ABHD2: variants seen among roughly 807,000 people sequenced by gnomAD.
ABHD2 encodes abhydrolase domain containing 2, acylglycerol lipase, also known as monoacylglycerol lipase ABHD2.
Under a neutral mutation model 48.1 loss-of-function variants are expected in ABHD2, and 20 were observed. That is an observed-to-expected ratio of 0.42 (90% CI 0.29 to 0.60). The LOEUF (loss-of-function observed/expected upper bound fraction) is 0.60, where lower values mean the gene tolerates loss of function less well. ABHD2 is among the 20% of genes least tolerant of loss of function. ABHD2 has a pLI of 0.24. For synonymous variants in ABHD2, 209 were observed against 214.2 expected, an observed-to-expected ratio of 0.98 and a Z score of 0.21; for missense variants, 405 against 550.9, an observed-to-expected ratio of 0.74 and a Z score of 2.65.
chr15:89,171,582 G>A (rs1187761104), intron 5 of ABHD2, among the ~76,000 whole-genome samples: 3 of 152,188 alleles, frequency 2.0e-5, no homozygotes, highest in African/African-American at 4.8e-5. Context: ...GTTGAACGGC[G>A]ATGTGCTACC....
Position 89,182,767 on chromosome 15 carries a change from TGA to T in ABHD2, c.723-2655_723-2654del, listed in dbSNP as rs1422929587. On this transcript the variant is annotated intron_variant, in intron 6 of 10. Transcript: ENST00000352732. This position sits in a 1 kb window ranked among gnomAD's most constrained non-coding sequence, Gnocchi z 4.8. Reference sequence around the variant, plus strand: ...GAGATCACACCACTGCACTCCAGCCTGAGCAACAGAGTGAGACTCCATCTCAA... The same window carrying T: ...GAGATCACACCACTGCACTCCAGCCTGCAACAGAGTGAGACTCCATCTCAA... Among the ~76,000 whole-genome samples the T allele has an allele frequency of 6.6e-6, 1 of 152,212 alleles. No individual in the cohort carries two copies. Among genetic ancestry groups the T allele is most frequent in the Non-Finnish European group, 1.5e-5 (1 of 68,032 alleles).
chr15:89,125,941 T>TA (rs1349281006), intron 3 of ABHD2, among the ~76,000 whole-genome samples: 1 of 152,152 alleles, frequency 6.6e-6, no homozygotes, highest in Non-Finnish European at 1.5e-5. Context: ...CTGAAAGATC[T>TA]AAAAAAAGGT....
the ABHD2 span, among the ~76,000 whole-genome samples, chr15:89,063,648 A>G: frequency 1.3e-5 from 2 of 152,250 alleles, no homozygotes; most frequent in Non-Finnish European, 2.9e-5. Context: ...CATAAATAAC[A>G]AAATTTACCA....
At position 89,176,203 on chromosome 15, in the gene ABHD2, C is replaced by T. The variant is rs1307846835; in HGVS notation, c.722+208C>T. Among the ~76,000 whole-genome samples the T allele has an allele frequency of 1.3e-5, 2 of 152,104 alleles. No homozygotes were observed. The highest frequency in any genetic ancestry group is 6.5e-5 in the Admixed American group (1 of 15,270). ...CCCTTAAGCCTGGGATATGCAGCTG[C>T]GTTTTGGGGTCAGATCTGTAATTGG... is the stretch of plus-strand genomic sequence containing the variant. On this transcript the variant is annotated intron_variant, in intron 6 of 10. Coordinates refer to ENST00000352732, the MANE Select transcript of ABHD2 (RefSeq NM_152924.5). The surrounding 1 kb of genome is among the most constrained non-coding windows in gnomAD (Gnocchi z 4.5).
intron 1 of ABHD2, among the ~76,000 whole-genome samples, chr15:89,103,347 A>AT (rs199718047): frequency 1.3e-5 from 2 of 151,946 alleles, no homozygotes; most frequent in East Asian, 1.9e-4. Context: ...ATTTTAAGTC[A>AT]TTTTTTTTAG....
In ABHD2 at chr15:89,192,206, C is replaced by T. The variant is rs189570290; in HGVS notation, c.997-1029C>T. Among the ~76,000 whole-genome samples the T allele has an allele frequency of 2.3e-3, 353 of 152,288 alleles. 1 individual carries two copies. Among genetic ancestry groups the T allele is most frequent in the African/African-American group, 7.9e-3 (327 of 41,570 alleles). On this transcript the variant is annotated intron_variant, in intron 9 of 10. Coordinates refer to ENST00000352732, the MANE Select transcript of ABHD2 (RefSeq NM_152924.5). ...TCACTGGAAACTGTAGTTGTGCTGTCTTATCAGCCATCTCTCCTAGTTTAG... is the reference window on the plus strand; with the variant it reads ...TCACTGGAAACTGTAGTTGTGCTGTTTTATCAGCCATCTCTCCTAGTTTAG...
chr15:89,059,167 C>T, the ABHD2 span, among the ~76,000 whole-genome samples: 1 of 152,280 alleles, frequency 6.6e-6, no homozygotes, highest in East Asian at 1.9e-4. Context: ...ATGTTTGGGG[C>T]TCTCTTCTCT....
chr15:89,195,100 G>T lies in ABHD2; in HGVS notation c.1082-127G>T. 1.0e-6 allele frequency: 1 copy of T among 995,652 alleles called. No homozygotes were observed. Among genetic ancestry groups the T allele is most frequent in the South Asian group, 1.6e-5 (1 of 62,970 alleles). The allele number at this position is 995,652 out of a possible 1,614,324, so 61.7% of individuals were successfully genotyped here. A position where few individuals can be genotyped will look rare whatever the true frequency, so the allele number is the denominator to read the frequency against. ...TTTGGTGAACAAGGCAGAGTGAGTA[G>T]AGGTTGGATGCCCACTTAGGTGACC... On this transcript the variant is annotated intron_variant, in intron 10 of 10. Transcript: ENST00000352732. This position sits in a 1 kb window ranked among gnomAD's most constrained non-coding sequence, Gnocchi z 5.1.
At chr15:89,076,584 G>A in the ABHD2 span, among the ~76,000 whole-genome samples, 1 of 152,012 alleles carries the variant, frequency 6.6e-6, no homozygotes, top group African/African-American at 2.4e-5. Flanking sequence ...CCTGGGCTCA[G>A]GTGATCTTCC....
intron 3 of ABHD2, among the ~76,000 whole-genome samples, chr15:89,123,196 G>A (rs969659397): frequency 4.6e-5 from 7 of 152,210 alleles, no homozygotes; most frequent in African/African-American, 9.6e-5. Flanking sequence ...CTCTCTGGAC[G>A]TGTCCGCCTG....
In ABHD2 at chr15:89,100,834, C is replaced by T. The variant is rs562217982; in HGVS notation, c.-107+12271C>T. The stretch of plus-strand genomic sequence containing the variant: ...CTGTGAGCTGAGATGTGCCATTGCA[C>T]TCCACCCTGGGCCACAGTGAGAGAC... On this transcript the variant is annotated intron_variant, in intron 1 of 10. Transcript: ENST00000352732. This position sits in a 1 kb window ranked among gnomAD's most constrained non-coding sequence, Gnocchi z 4.4. Among the ~76,000 whole-genome samples, 13 of 152,186 alleles carry T rather than the reference C, an allele frequency of 8.5e-5. No individual in the cohort carries two copies. The highest frequency in any genetic ancestry group is 3.4e-3 in the Middle Eastern group (1 of 294).
the ABHD2 span, among the ~76,000 whole-genome samples, chr15:89,053,112 A>G: frequency 1.3e-5 from 2 of 151,900 alleles, no homozygotes; most frequent in African/African-American, 4.8e-5. Flanking sequence ...GACTACAGGC[A>G]CGTGCCACCA....
At chr15:89,161,912 G>C (rs2050768218) in intron 5 of ABHD2, among the ~76,000 whole-genome samples, 1 of 152,180 alleles carries the variant, frequency 6.6e-6, no homozygotes, top group South Asian at 2.1e-4. Flanking sequence ...CAGGGTGTCA[G>C]CAGGGTTGGT....
intron 9 of ABHD2, among the ~76,000 whole-genome samples, chr15:89,191,359 C>G (rs2051302103): frequency 6.6e-6 from 1 of 152,188 alleles, no homozygotes; most frequent in Admixed American, 6.5e-5. Flanking sequence ...GACTGGTGTG[C>G]TCCCATGTCT....
In ABHD2 at chr15:89,106,111, C is replaced by T. The variant is rs1303055982; in HGVS notation, c.-106-7614C>T. Among the ~76,000 whole-genome samples, 5 of 152,074 alleles carry T rather than the reference C, an allele frequency of 3.3e-5. No homozygotes were observed. The highest frequency in any genetic ancestry group is 9.7e-5 in the African/African-American group (4 of 41,394). ...GGTGGATCACCTGAGGTCAGGAGTT[C>T]GAGACCAGCCTGGCTAACATGGTGA... On this transcript the variant is annotated intron_variant, in intron 1 of 10. Transcript: ENST00000352732. This position sits in a 1 kb window ranked among gnomAD's most constrained non-coding sequence, Gnocchi z 4.2.
chr15:89,043,656 GA>G, the ABHD2 span, among the ~76,000 whole-genome samples: 1 of 137,706 alleles, frequency 7.3e-6, no homozygotes. Flanking sequence ...GGAGAAGGAG[GA>G]GGAGGAGAGG....
intron 1 of ABHD2, among the ~76,000 whole-genome samples, chr15:89,101,591 A>C (rs1017823591): frequency 1.3e-5 from 2 of 152,254 alleles, no homozygotes; most frequent in Admixed American, 1.3e-4. Context: ...ATTTGTGTAG[A>C]ATTTAAACAT....
rs1188874856 is a variant in ABHD2, at chr15:89,197,571, T to A, written c.*2148T>A. The A allele has an allele frequency of 6.6e-6, 1 of 152,270 alleles. No homozygotes were observed. Among genetic ancestry groups the A allele is most frequent in the African/African-American group, 2.4e-5 (1 of 41,456 alleles). The allele number at this position is 152,270 out of a possible 1,614,324, so 9.4% of individuals were successfully genotyped here. A position where few individuals can be genotyped will look rare whatever the true frequency, so the allele number is the denominator to read the frequency against. ...CACCCCAGAAGAGCGAGAGGCTCCT[T>A]TCATATGCCTGAGGCCACACCCCTT... On this transcript the variant is annotated 3_prime_UTR_variant, in exon 11 of 11. Coordinates refer to ENST00000352732, the MANE Select transcript of ABHD2 (RefSeq NM_152924.5). The surrounding 1 kb of genome is among the most constrained non-coding windows in gnomAD (Gnocchi z 4.4).
the ABHD2 span, among the ~76,000 whole-genome samples, chr15:89,042,573 T>TTCTA: frequency 2.1e-5 from 3 of 142,868 alleles, no homozygotes; most frequent in Admixed American, 2.2e-4. Context: ...TTATTTCCTT[T>TTCTA]TCTTTCTTTC....
Sources: gnomAD v4.1 joint callset for allele counts (sites outside exome capture counted in the v4.1 genomes callset) on GRCh38, gnomAD v4.1.1 for gene constraint, Gnocchi (gnomAD v3.1) non-coding constraint, MANE v1.5 for transcripts, NCBI Gene and HGNC (gene_info 2026-07-23, HGNC 2026-07-21) for gene names.